The following KCNMA1 variants were observed in gnomAD, a reference collection of about 807,000 sequenced individuals.
KCNMA1 encodes the protein potassium calcium-activated channel subfamily M alpha 1, also known as Calcium-activated potassium channel subunit alpha-1.
KCNMA1 carries 29 observed loss-of-function variants against 140.0 expected under a neutral mutation model. The observed-to-expected ratio is 0.21, with a 90% CI of 0.15 to 0.28. The LOEUF is 0.28. Among genes scored for constraint, KCNMA1 ranks in the 10% least tolerant of loss-of-function variants. KCNMA1 has a pLI of 1.00. For synonymous variants in KCNMA1, 612 were observed against 611.9 expected (o/e 1.00, Z 0.00); for missense variants, 880 against 1,602.2 (o/e 0.55, Z 7.70).
At chr10:77,082,576 T>C (rs2096605258) in intron 12 of KCNMA1, among the ~76,000 whole-genome samples, 1 of 152,198 alleles carries the variant, frequency 6.6e-6, no homozygotes, top group African/African-American at 2.4e-5. Context: ...GTTACATTTT[T>C]TTTTTTAAAT....
At chr10:77,619,379 G>C (rs535463114) in intron 1 of KCNMA1, among the ~76,000 whole-genome samples, 6 of 149,620 alleles carry the variant, frequency 4.0e-5, no homozygotes, top group African/African-American at 1.5e-4. Context: ...TCTCACTCTC[G>C]CTCTTCCCCC....
chr10:77,173,539 T>A (rs55798601), intron 5 of KCNMA1, among the ~76,000 whole-genome samples: 23,032 of 152,198 alleles, frequency 0.15, 1,842 homozygotes, highest in Middle Eastern at 0.21. Flanking sequence ...ATATGTGTAA[T>A]ATGAACACAT....
At chr10:76,916,498 C>T (rs1031719563) in intron 23 of KCNMA1, among the ~76,000 whole-genome samples, 2 of 152,204 alleles carry the variant, frequency 1.3e-5, no homozygotes, top group Admixed American at 1.3e-4. Flanking sequence ...ACGAAGCATA[C>T]GGCAGCTCCA....
intron 1 of KCNMA1, among the ~76,000 whole-genome samples, chr10:77,412,011 C>T (rs1449502006): frequency 6.6e-6 from 1 of 152,184 alleles, no homozygotes; most frequent in African/African-American, 2.4e-5. Context: ...AGAGGCTGAG[C>T]TCTGCCGGGC....
intron 3 of KCNMA1, among the ~76,000 whole-genome samples, chr10:77,189,763 G>A (rs2098923720): frequency 1.3e-5 from 2 of 152,112 alleles, no homozygotes; most frequent in Non-Finnish European, 2.9e-5. Context: ...CCAGGATTAT[G>A]GACAGGCAGA....
At chr10:77,570,418 T>C (rs79645201) in intron 1 of KCNMA1, among the ~76,000 whole-genome samples, 1 of 144,790 alleles carries the variant, frequency 6.9e-6, no homozygotes, top group African/African-American at 2.6e-5. Flanking sequence ...TAAAAAATCA[T>C]GAGTTCATGT....
chr10:77,491,282 C>T (rs973930254), intron 1 of KCNMA1, among the ~76,000 whole-genome samples: 2 of 152,072 alleles, frequency 1.3e-5, no homozygotes, highest in African/African-American at 4.8e-5. Context: ...CCCAGGAGAC[C>T]ACTGAAGAGT....
At chr10:76,941,174 A>C in intron 23 of KCNMA1, among the ~76,000 whole-genome samples, 1 of 115,670 alleles carries the variant, frequency 8.6e-6, no homozygotes, top group African/African-American at 3.2e-5. Context: ...GAAGGAAGGA[A>C]GGAAGGAAGG....
chr10:77,158,945 C>T (rs1050616754), intron 5 of KCNMA1, among the ~76,000 whole-genome samples: 5 of 152,188 alleles, frequency 3.3e-5, no homozygotes, highest in African/African-American at 4.8e-5. Context: ...CCTTGAGCAA[C>T]GGCACACCCT....
intron 22 of KCNMA1, among the ~76,000 whole-genome samples, chr10:76,947,180 C>A (rs1591593235): frequency 2.0e-5 from 3 of 150,700 alleles, no homozygotes; most frequent in South Asian, 2.1e-4. Flanking sequence ...ACTGAAAATA[C>A]AAAAAAAGTA....
At chr10:77,145,763 T>C (rs1386835650) in intron 5 of KCNMA1, among the ~76,000 whole-genome samples, 3 of 152,218 alleles carry the variant, frequency 2.0e-5, no homozygotes, top group African/African-American at 7.2e-5. Flanking sequence ...AGTACATTTA[T>C]TCAACAACAT....
intron 2 of KCNMA1, among the ~76,000 whole-genome samples, chr10:77,279,712 T>C (rs1367490007): frequency 6.6e-6 from 1 of 152,128 alleles, no homozygotes; most frequent in Non-Finnish European, 1.5e-5. Flanking sequence ...CCACATGTCA[T>C]GGGAGGAACC....
intron 19 of KCNMA1, among the ~76,000 whole-genome samples, chr10:76,982,043 T>C (rs1001072820): frequency 4.6e-5 from 7 of 152,152 alleles, no homozygotes; most frequent in African/African-American, 1.7e-4. Context: ...GGGATGAGCA[T>C]TAGTTAAGTA....
Position 76,909,884 on chromosome 10 carries a change from A to G in KCNMA1, c.3147+82T>C, listed in dbSNP as rs968977093. The stretch of plus-strand genomic sequence containing the variant: ...TTGCTCTCCACTGTGGCCCCAGTGC[A>G]GCCCAGGGCCTCAAAGGTTGGAGGT... On this transcript the variant is annotated intron_variant, in intron 25 of 27. Transcript: ENST00000286628. The G allele has an allele frequency of 8.1e-6, 12 of 1,477,578 alleles. No homozygotes were observed. In the African/African-American group the frequency reaches 1.5e-4, roughly 19 times the overall value. 91.5% of individuals were successfully genotyped at this position (1,477,578 alleles called of 1,614,324 possible).
At chr10:77,215,914 T>C (rs575595596) in intron 3 of KCNMA1, among the ~76,000 whole-genome samples, 2 of 150,582 alleles carry the variant, frequency 1.3e-5, no homozygotes, top group Non-Finnish European at 3.0e-5. Flanking sequence ...CTCCTCTCTC[T>C]CTCTCTCTCT....
chr10:77,384,492 A>C (rs2095535663), intron 2 of KCNMA1, among the ~76,000 whole-genome samples: 1 of 152,208 alleles, frequency 6.6e-6, no homozygotes, highest in Non-Finnish European at 1.5e-5. Flanking sequence ...GCCCATTATG[A>C]TGAAAGCACA....
chr10:77,112,023 T>C (rs2097337211), intron 7 of KCNMA1, among the ~76,000 whole-genome samples: 1 of 152,202 alleles, frequency 6.6e-6, no homozygotes, highest in South Asian at 2.1e-4. Context: ...ACTTCCAACC[T>C]TGTCCCCAGA....
chr10:77,443,869 T>C (rs1385239275), intron 1 of KCNMA1, among the ~76,000 whole-genome samples: 1 of 152,192 alleles, frequency 6.6e-6, no homozygotes, highest in Non-Finnish European at 1.5e-5. Context: ...GTGACTATAG[T>C]TTAGAAAATA....
chr10:77,322,916 A>G (rs1247453752), intron 2 of KCNMA1, among the ~76,000 whole-genome samples: 1 of 152,212 alleles, frequency 6.6e-6, no homozygotes, highest in Non-Finnish European at 1.5e-5. Flanking sequence ...GGTCCCCACC[A>G]ACACTAGGAT....
Sources: allele counts gnomAD v4.1 joint callset (sites outside exome capture counted in the v4.1 genomes callset), GRCh38; gene constraint gnomAD v4.1.1; transcripts MANE v1.5; gene names NCBI Gene and HGNC (gene_info 2026-07-23, HGNC 2026-07-21).